TRDN: variants seen among roughly 807,000 people sequenced by gnomAD.
TRDN encodes triadin in skeletal muscle.
TRDN carries 161 observed loss-of-function variants against 149.7 expected under a neutral mutation model. The ratio of observed to expected loss-of-function variants is 1.08; its 90% CI spans 0.95 to 1.23. The LOEUF is 1.23. TRDN is among the 50% of genes most tolerant of loss of function. The probability of loss-of-function intolerance (pLI) is 0.00; values close to 1 mark genes in which losing one functional copy is unlikely to be tolerated. For synonymous variants in TRDN, 294 were observed against 250.5 expected, an observed-to-expected ratio of 1.17 and a Z score of -1.64; for missense variants, 896 against 823.5, an observed-to-expected ratio of 1.09 and a Z score of -1.08.
chr6:123,539,668 G>A (rs1004077710), intron 4 of TRDN, among the ~76,000 whole-genome samples: 3 of 152,102 alleles, frequency 2.0e-5, no homozygotes, highest in Non-Finnish European at 4.4e-5. Context: ...TATTCCAATG[G>A]CTTAGGTCAA....
chr6:123,558,847 A>C (rs933399799), intron 2 of TRDN, among the ~76,000 whole-genome samples: 1 of 152,000 alleles, frequency 6.6e-6, no homozygotes, highest in African/African-American at 2.4e-5. Context: ...GCACACAAGA[A>C]CTCCAAACGC....
chr6:123,431,752 A>G (rs2114573136), intron 12 of TRDN, among the ~76,000 whole-genome samples: 1 of 152,328 alleles, frequency 6.6e-6, no homozygotes, highest in African/African-American at 2.4e-5. Context: ...TTTTAGTTAC[A>G]TGTAAATGTA....
At chr6:123,589,665 A>G (rs1048034789) in intron 1 of TRDN, among the ~76,000 whole-genome samples, 3 of 152,166 alleles carry the variant, frequency 2.0e-5, no homozygotes, top group African/African-American at 7.2e-5. Flanking sequence ...CTATTGTGTC[A>G]CAGTAGATTC....
At chr6:123,526,057 A>C (rs1186028912) in intron 5 of TRDN, among the ~76,000 whole-genome samples, 1 of 152,104 alleles carries the variant, frequency 6.6e-6, no homozygotes, top group South Asian at 2.1e-4. Flanking sequence ...GCAGCCACAG[A>C]AAACTAGTAC....
At chr6:123,233,957 C>G (rs1775700961) in intron 38 of TRDN, among the ~76,000 whole-genome samples, 1 of 151,958 alleles carries the variant, frequency 6.6e-6, no homozygotes, top group Non-Finnish European at 1.5e-5. Context: ...TTATCATATA[C>G]CAATCCCTAT....
intron 1 of TRDN, among the ~76,000 whole-genome samples, chr6:123,613,401 A>G (rs1402381669): frequency 6.6e-6 from 1 of 152,222 alleles, no homozygotes; most frequent in Non-Finnish European, 1.5e-5. Flanking sequence ...TTAAAAATTT[A>G]TCACTCTTAA....
At chr6:123,481,389 AG>A in intron 9 of TRDN, among the ~76,000 whole-genome samples, 1 of 151,008 alleles carries the variant, frequency 6.6e-6, no homozygotes, top group African/African-American at 2.4e-5. Context: ...CTTAAATTAT[AG>A]TACTTAGGAA....
intron 1 of TRDN, among the ~76,000 whole-genome samples, chr6:123,591,661 A>G (rs13191900): frequency 0.18 from 26,801 of 152,202 alleles, 2,993 homozygotes; most frequent in Non-Finnish European, 0.25. Context: ...ACGTATTTTA[A>G]GAAGAAAATG....
chr6:123,420,749 G>C (rs1358790174), intron 12 of TRDN, among the ~76,000 whole-genome samples: 4 of 152,178 alleles, frequency 2.6e-5, no homozygotes, highest in Admixed American at 6.5e-5. Flanking sequence ...CTAGGTGCTA[G>C]ATACTCAGTG....
rs185786837 is a variant in TRDN at position 123,586,817 on chromosome 6, G to A, written c.23-15685C>T. Reference sequence around the variant, plus strand: ...GTAGAGACATGGAGGGAAGGGGTTTGGGGGTTCTTACCCTCCAGAAAAGCG... The same window carrying A: ...GTAGAGACATGGAGGGAAGGGGTTTAGGGGTTCTTACCCTCCAGAAAAGCG... On this transcript the variant is annotated intron_variant, in intron 1 of 40. Transcript: ENST00000334268. Among the ~76,000 whole-genome samples the A allele has an allele frequency of 2.0e-5, 3 of 152,124 alleles. No individual in the cohort carries two copies. The East Asian group carries it at 5.8e-4, about 30-fold the overall frequency.
intron 1 of TRDN, among the ~76,000 whole-genome samples, chr6:123,591,722 A>G (rs1243051894): frequency 6.6e-6 from 1 of 152,182 alleles, no homozygotes; most frequent in East Asian, 1.9e-4. Flanking sequence ...TGTTTTTATC[A>G]TTTAATCTAT....
intron 20 of TRDN, among the ~76,000 whole-genome samples, chr6:123,356,429 A>G (rs1027400231): frequency 8.7e-5 from 13 of 148,640 alleles, no homozygotes; most frequent in African/African-American, 2.7e-4. Context: ...ACTGCATTTT[A>G]TCTTTCATAC....
At chr6:123,449,208 C>G (rs911689888) in intron 10 of TRDN, among the ~76,000 whole-genome samples, 1 of 152,070 alleles carries the variant, frequency 6.6e-6, no homozygotes, top group Non-Finnish European at 1.5e-5. Context: ...GCAAAGGATT[C>G]AAACCAAGAA....
intron 40 of TRDN, among the ~76,000 whole-genome samples, chr6:123,219,310 T>C (rs1407527210): frequency 1.3e-5 from 2 of 151,576 alleles, no homozygotes; most frequent in Admixed American, 6.6e-5. Flanking sequence ...AACAGGAAAG[T>C]TAAGGGAGTG....
intron 21 of TRDN, chr6:123,351,803 A>G (rs897807508): frequency 5.5e-6 from 5 of 904,284 alleles, no homozygotes; most frequent in African/African-American, 1.8e-5. Context: ...TACAATAAAT[A>G]TAGTATTATT....
chr6:123,432,001 G>A (rs1774356898), intron 12 of TRDN, among the ~76,000 whole-genome samples: 1 of 152,106 alleles, frequency 6.6e-6, no homozygotes, highest in Non-Finnish European at 1.5e-5. Context: ...AATATTATTT[G>A]CCACATACAG....
At chr6:123,222,302 CAGAGTGTAATCT>C (rs1311315276) in intron 39 of TRDN, among the ~76,000 whole-genome samples, 1 of 151,580 alleles carries the variant, frequency 6.6e-6, no homozygotes, top group African/African-American at 2.4e-5. Flanking sequence ...CGGTTCCCCT[CAGAGTGTAATCT>C]ATATACCACT....
chr6:123,438,880 T>C, intron 11 of TRDN, 64 bp downstream of exon 11: 2 of 1,271,592 alleles, frequency 1.6e-6, no homozygotes, highest in Non-Finnish European at 2.2e-6. Flanking sequence ...ATAATAGATT[T>C]ACCAGTAGTA....
intron 24 of TRDN, among the ~76,000 whole-genome samples, chr6:123,301,413 A>G (rs1209108362): frequency 6.6e-6 from 1 of 151,952 alleles, no homozygotes; most frequent in Non-Finnish European, 1.5e-5. Flanking sequence ...AAGCCAGGTC[A>G]TCTATCAACT....
Sources: allele counts gnomAD v4.1 joint callset (sites outside exome capture counted in the v4.1 genomes callset), GRCh38; gene constraint gnomAD v4.1.1; transcripts MANE v1.5; gene names NCBI Gene and HGNC (gene_info 2026-07-23, HGNC 2026-07-21).